Variants in CTNNA3 observed in about 807,000 individuals in gnomAD.
CTNNA3 encodes the protein catenin alpha-3.
Under a neutral mutation model 95.7 loss-of-function variants are expected in CTNNA3, and 76 were observed. The observed-to-expected ratio is 0.79, with a 90% CI of 0.66 to 0.96. The LOEUF is 0.96. Ranked by LOEUF, CTNNA3 falls within the 40% of genes least tolerant of loss-of-function variation. The pLI, the probability that CTNNA3 is intolerant of heterozygous loss-of-function variation, is 0.00. For missense variants in CTNNA3, 1,191 were observed against 1,089.8 expected (o/e 1.09, Z -1.31); for synonymous variants, 431 against 374.4 (o/e 1.15, Z -1.74).
intron 7 of CTNNA3, among the ~76,000 whole-genome samples, chr10:67,084,438 G>A (rs1417251984): frequency 6.6e-6 from 1 of 151,788 alleles, no homozygotes; most frequent in Non-Finnish European, 1.5e-5. Context: ...CTGAAGTGGA[G>A]AACCAAATAT....
chr10:67,374,809 G>T (rs1843628703), intron 5 of CTNNA3, among the ~76,000 whole-genome samples: 1 of 152,086 alleles, frequency 6.6e-6, no homozygotes. Flanking sequence ...GAGAAAATTT[G>T]CTTGGCTTGT....
chr10:66,855,359 T>C (rs942132240), intron 7 of CTNNA3, among the ~76,000 whole-genome samples: 1 of 151,992 alleles, frequency 6.6e-6, no homozygotes, highest in Admixed American at 6.6e-5. Flanking sequence ...TTCTCAAGCA[T>C]ACCCAAAGCT....
At chr10:67,570,505 T>C (rs796769896) in intron 3 of CTNNA3, among the ~76,000 whole-genome samples, 6 of 152,304 alleles carry the variant, frequency 3.9e-5, no homozygotes, top group African/African-American at 1.4e-4. Context: ...TTGGGAATGT[T>C]TGATGTTCAA....
chr10:67,726,482 TATATC>T (rs1471178053), intron 1 of CTNNA3, among the ~76,000 whole-genome samples: 1 of 48,292 alleles, frequency 2.1e-5, no homozygotes, highest in Non-Finnish European at 3.6e-5. Flanking sequence ...TATTATATAT[TATATC>T]ATATACAATA....
chr10:67,140,799 G>A (rs1860522120), intron 7 of CTNNA3, among the ~76,000 whole-genome samples: 1 of 152,162 alleles, frequency 6.6e-6, no homozygotes, highest in Admixed American at 6.5e-5. Context: ...CAGTTCTTTT[G>A]TTATTCCTTT....
intron 7 of CTNNA3, among the ~76,000 whole-genome samples, chr10:66,832,350 T>C (rs1311586301): frequency 6.6e-6 from 1 of 152,150 alleles, no homozygotes; most frequent in East Asian, 1.9e-4. Flanking sequence ...TCAATTTATC[T>C]GTCTTAGAAG....
intron 7 of CTNNA3, among the ~76,000 whole-genome samples, chr10:66,965,870 T>A (rs1220893173): frequency 3.3e-5 from 5 of 152,226 alleles, no homozygotes; most frequent in Non-Finnish European, 7.3e-5. Flanking sequence ...TGCCTTCCCA[T>A]CATTATAAAA....
rs1842957921 is a variant in CTNNA3 at position 66,838,727 on chromosome 10, G to A, written c.1048-63203C>T. 2.0e-5 allele frequency among the ~76,000 whole-genome samples: 3 copies of A among 152,134 alleles called. No individual in the cohort carries two copies. In the South Asian group the frequency reaches 6.2e-4, roughly 31 times the overall value. On this transcript the variant is annotated intron_variant, in intron 7 of 17. Transcript: ENST00000433211. ...CTGTATTATCAATTCCTGGTGCATA[G>A]AACCTACTTAATACATTTTTGTTAC... is the stretch of plus-strand genomic sequence containing the variant.
In CTNNA3 at chr10:67,744,542, T is replaced by TA. The variant is rs1841362434; in HGVS notation, c.-2+18891dup. Among the ~76,000 whole-genome samples the TA allele has an allele frequency of 2.0e-5, 3 of 151,316 alleles. No homozygotes were observed. The South Asian group carries it at 6.4e-4, about 32-fold the overall frequency. On this transcript the variant is annotated intron_variant, in intron 1 of 17. Coordinates refer to the CTNNA3 transcript ENST00000684154. ...GACTTACATGTTAGACCTAAAACCATAAAAACCCTAGAAGAAAACTTAGGC... is the reference window on the plus strand; with the variant it reads ...GACTTACATGTTAGACCTAAAACCATAAAAAACCCTAGAAGAAAACTTAGGC...
chr10:67,678,980 G>A (rs958303057), intron 1 of CTNNA3, among the ~76,000 whole-genome samples: 1 of 152,114 alleles, frequency 6.6e-6, no homozygotes, highest in African/African-American at 2.4e-5. Context: ...GTAATAGAGA[G>A]AAAGCAAAAT....
intron 7 of CTNNA3, chr10:67,097,877 C>A (rs1858107111): frequency 1.6e-6 from 2 of 1,252,346 alleles, no homozygotes; most frequent in African/African-American, 1.5e-5. Context: ...TCATTGTGGA[C>A]TCTAAAAACA....
At chr10:65,966,274 T>C (rs2077963669) in intron 17 of CTNNA3, among the ~76,000 whole-genome samples, 1 of 152,206 alleles carries the variant, frequency 6.6e-6, no homozygotes, top group Admixed American at 6.5e-5. Flanking sequence ...CATGCATTTA[T>C]TTTAGAAAAA....
chr10:66,617,201 T>C (rs1264384679), intron 10 of CTNNA3, among the ~76,000 whole-genome samples: 4 of 151,912 alleles, frequency 2.6e-5, no homozygotes, highest in East Asian at 1.9e-4. Flanking sequence ...GACTCTAAAA[T>C]AAATAAATAT....
chr10:66,184,822 T>C (rs79888185), intron 13 of CTNNA3, among the ~76,000 whole-genome samples: 2,768 of 152,324 alleles, frequency 0.018, 41 homozygotes, highest in South Asian at 0.038. Flanking sequence ...TTCCTACTAA[T>C]GCATTTTGTC....
chr10:66,135,056 G>A (rs975999086), intron 13 of CTNNA3, among the ~76,000 whole-genome samples: 2 of 152,038 alleles, frequency 1.3e-5, no homozygotes, highest in African/African-American at 2.4e-5. Flanking sequence ...TGTAAGAAGA[G>A]ATACTGAACT....
At chr10:66,749,534 G>A (rs1393599940) in intron 9 of CTNNA3, among the ~76,000 whole-genome samples, 3 of 152,030 alleles carry the variant, frequency 2.0e-5, no homozygotes, top group Non-Finnish European at 2.9e-5. Flanking sequence ...TCTTTTCATG[G>A]CTTGGTAGCT....
intron 5 of CTNNA3, among the ~76,000 whole-genome samples, chr10:67,221,329 A>C (rs1346404329): frequency 1.3e-5 from 2 of 152,226 alleles, no homozygotes; most frequent in Admixed American, 1.3e-4. Context: ...AACTAATTCA[A>C]GGGACATTTA....
chr10:65,945,933 T>A (rs1465287985), intron 17 of CTNNA3, among the ~76,000 whole-genome samples: 2 of 152,170 alleles, frequency 1.3e-5, no homozygotes, highest in Non-Finnish European at 2.9e-5. Context: ...GTGTTTCATC[T>A]GCTCAAAGGG....
chr10:67,122,539 T>C (rs558332918), intron 7 of CTNNA3, among the ~76,000 whole-genome samples: 14 of 152,248 alleles, frequency 9.2e-5, no homozygotes, highest in African/African-American at 3.4e-4. Context: ...GTCTATTTTC[T>C]TTTTTAAAAC....
Sources: gnomAD v4.1 joint callset for allele counts (sites outside exome capture counted in the v4.1 genomes callset) on GRCh38, gnomAD v4.1.1 for gene constraint, MANE v1.5 for transcripts, NCBI Gene and HGNC (gene_info 2026-07-23, HGNC 2026-07-21) for gene names.